Variants in THSD7B observed in about 807,000 individuals in gnomAD.
The protein encoded by THSD7B is thrombospondin type-1 domain-containing protein 7B.
A neutral mutation model predicts 213.6 loss-of-function variants in THSD7B; 138 were observed. The ratio of observed to expected loss-of-function variants is 0.65; its 90% CI spans 0.56 to 0.74. THSD7B has a LOEUF of 0.74. THSD7B is among the 30% of genes least tolerant of loss of function. The probability of loss-of-function intolerance (pLI) is 0.00; values close to 1 mark genes in which losing one functional copy is unlikely to be tolerated. For synonymous variants in THSD7B, 742 were observed against 687.0 expected, an observed-to-expected ratio of 1.08 and a Z score of -1.25; for missense variants, 1,931 against 1,991.5, an observed-to-expected ratio of 0.97 and a Z score of 0.58.
chr2:137,299,484 G>C, intron 12 of THSD7B, among the ~76,000 whole-genome samples: 1 of 88,228 alleles, frequency 1.1e-5, no homozygotes, highest in Admixed American at 1.3e-4. Context: ...ATTTGGGAGG[G>C]GCCGGGGTGG....
At chr2:137,292,619 G>A (rs1354593509) in intron 12 of THSD7B, among the ~76,000 whole-genome samples, 2 of 152,088 alleles carry the variant, frequency 1.3e-5, no homozygotes, top group Non-Finnish European at 2.9e-5. Flanking sequence ...TCTCTAGTAA[G>A]TACCTTTTCT....
At chr2:137,201,295 G>A (rs1009358254) in intron 7 of THSD7B, among the ~76,000 whole-genome samples, 10 of 152,106 alleles carry the variant, frequency 6.6e-5, no homozygotes, top group African/African-American at 9.7e-5. Context: ...GTGTGCACAC[G>A]CACCACATTT....
intron 15 of THSD7B, among the ~76,000 whole-genome samples, chr2:137,504,335 T>G (rs1439868244): frequency 3.3e-5 from 5 of 152,226 alleles, no homozygotes; most frequent in Non-Finnish European, 2.9e-5. Flanking sequence ...CCTTCCTCTG[T>G]GTATTTTTGA....
rs1680738074 is a variant in THSD7B, at chr2:137,546,468, ATATATATATAAT to A, written c.3139-16752_3139-16741del. On this transcript the variant is annotated intron_variant, in intron 15 of 27. Transcript: ENST00000409968. ...ATTATATATATATTATATATAATAT[ATATATATATAAT>A]ATATATATATATATATTAACATACC... is the stretch of plus-strand genomic sequence containing the variant. Among the ~76,000 whole-genome samples, 6 of 49,364 alleles carry A rather than the reference ATATATATATAAT, an allele frequency of 1.2e-4. 1 individual carries two copies. The highest frequency in any genetic ancestry group is 7.5e-4 in the African/African-American group (6 of 8,036). The allele number at this position is 49,364 out of a possible 152,430, so 32.4% of individuals were successfully genotyped here.
At chr2:137,492,978 G>T (rs554762977) in intron 15 of THSD7B, among the ~76,000 whole-genome samples, 1 of 151,408 alleles carries the variant, frequency 6.6e-6, no homozygotes, top group African/African-American at 2.4e-5. Flanking sequence ...AAAATTAGCC[G>T]GGCGTGGTGG....
chr2:137,484,383 G>A (rs1688380352), intron 15 of THSD7B, among the ~76,000 whole-genome samples: 1 of 135,802 alleles, frequency 7.4e-6, no homozygotes, highest in South Asian at 2.6e-4. Flanking sequence ...GTATTCCATG[G>A]TGTATATGTG....
In THSD7B at chr2:137,214,816, C is replaced by T. The variant is rs561567466; in HGVS notation, c.1724-16228C>T. Among the ~76,000 whole-genome samples the T allele has an allele frequency of 2.0e-5, 3 of 152,260 alleles. 1 individual carries two copies. In the South Asian group the frequency reaches 6.2e-4, roughly 32 times the overall value. On this transcript the variant is annotated intron_variant, in intron 7 of 27. Transcript: ENST00000409968. ...CCATGTTGTATATGTGCCACATTTTCTTTATCCAGTCTATCGCTGATGGGC... is the reference window on the plus strand; with the variant it reads ...CCATGTTGTATATGTGCCACATTTTTTTTATCCAGTCTATCGCTGATGGGC...
At chr2:137,335,374 A>G (rs1684615445) in intron 12 of THSD7B, among the ~76,000 whole-genome samples, 1 of 152,154 alleles carries the variant, frequency 6.6e-6, no homozygotes, top group Non-Finnish European at 1.5e-5. Flanking sequence ...CTATAAACTG[A>G]TTTTCCTCCT....
chr2:136,977,177 C>T (rs186669523), intron 2 of THSD7B, among the ~76,000 whole-genome samples: 5 of 152,080 alleles, frequency 3.3e-5, no homozygotes, highest in African/African-American at 1.2e-4. Flanking sequence ...ATTCCTGGTT[C>T]AGCCTTGGGA....
Position 137,095,062 on chromosome 2 carries a change from T to C in THSD7B, c.1140T>C (p.Pro380=), listed in dbSNP as rs1414639258. 6.2e-7 allele frequency: 1 copy of C among 1,613,892 alleles called. No homozygotes were observed. Among genetic ancestry groups the C allele is most frequent in the South Asian group, 1.1e-5 (1 of 91,088 alleles). The change falls in exon 4 of 28, where the codon CCT becomes CCC. Residue 380 remains proline (P), a synonymous_variant. Coordinates refer to ENST00000409968, the MANE Select transcript of THSD7B (RefSeq NM_001316349.2). ...HMAIGGGKEC[P]ELLEKEACIV... ...CTATTGGAGGTGGAAAGGAGTGTCC[T>C]GAACTTCTTGAGAAAGAGGCCTGCA...
rs148424255 is a variant in THSD7B, at chr2:136,972,411, A to G, written c.140-84009A>G. Reference sequence around the variant, plus strand: ...AGTAAAGAAACAAGGATTTTGCTTTATTTTTTAACTTTCATATGGTCTTTT... The same window carrying G: ...AGTAAAGAAACAAGGATTTTGCTTTGTTTTTTAACTTTCATATGGTCTTTT... On this transcript the variant is annotated intron_variant, in intron 2 of 27. Coordinates refer to ENST00000409968, the MANE Select transcript of THSD7B (RefSeq NM_001316349.2). 1.2e-3 allele frequency among the ~76,000 whole-genome samples: 189 copies of G among 152,266 alleles called. 1 individual carries two copies. Among genetic ancestry groups the G allele is most frequent in the African/African-American group, 4.4e-3 (184 of 41,562 alleles).
chr2:137,487,396 A>C (rs866396642), intron 15 of THSD7B, among the ~76,000 whole-genome samples: 69 of 120,950 alleles, frequency 5.7e-4, no homozygotes, highest in South Asian at 8.1e-4. Context: ...AAAAAAAAAA[A>C]AAAGAACTAG....
intron 12 of THSD7B, among the ~76,000 whole-genome samples, chr2:137,382,515 C>A (rs1685800471): frequency 6.6e-6 from 1 of 152,226 alleles, no homozygotes; most frequent in Non-Finnish European, 1.5e-5. Flanking sequence ...GGGAGCTGAG[C>A]ACCAGTATTC....
At chr2:137,668,011 A>T (rs550131562) in intron 27 of THSD7B, 150 bp downstream of exon 27, 2 of 566,900 alleles carry the variant, frequency 3.5e-6, no homozygotes, top group South Asian at 5.9e-5. Context: ...TGAAATGAGG[A>T]ATCATTATTT....
intron 2 of THSD7B, among the ~76,000 whole-genome samples, chr2:136,894,306 T>C (rs1407433563): frequency 6.6e-6 from 1 of 152,222 alleles, no homozygotes; most frequent in Non-Finnish European, 1.5e-5. Flanking sequence ...CTTGGCTTTA[T>C]TTGTACAACT....
In THSD7B at chr2:136,831,909, G is replaced by A. The variant is rs571602698; in HGVS notation, c.-35-50235G>A. On this transcript the variant is annotated intron_variant, in intron 1 of 27. Coordinates refer to ENST00000409968, the MANE Select transcript of THSD7B (RefSeq NM_001316349.2). ...TATGGGCCTTTTCTATGTTGCTCAG[G>A]ATACTGAGATATCTTGCTTTTAGGA... Among the ~76,000 whole-genome samples, 4 of 152,190 alleles carry A rather than the reference G, an allele frequency of 2.6e-5. No homozygotes were observed. In the South Asian group the frequency reaches 8.3e-4, roughly 32 times the overall value.
At chr2:137,443,263 A>C (rs1687458117) in intron 14 of THSD7B, among the ~76,000 whole-genome samples, 1 of 152,146 alleles carries the variant, frequency 6.6e-6, no homozygotes, top group African/African-American at 2.4e-5. Context: ...TTCAAAGATC[A>C]GTTCTTTATA....
chr2:137,517,203 G>A (rs1265892109), intron 15 of THSD7B, among the ~76,000 whole-genome samples: 1 of 152,206 alleles, frequency 6.6e-6, no homozygotes, highest in African/African-American at 2.4e-5. Flanking sequence ...CTAGCTCAGG[G>A]GTATATCAAC....
At chr2:137,484,124 C>T (rs1688371250) in intron 15 of THSD7B, among the ~76,000 whole-genome samples, 9 of 149,768 alleles carry the variant, frequency 6.0e-5, no homozygotes, top group African/African-American at 2.0e-4. Flanking sequence ...CACCCATTAC[C>T]TCGTCATTTA....
Sources: allele counts gnomAD v4.1 joint callset (sites outside exome capture counted in the v4.1 genomes callset), GRCh38; gene constraint gnomAD v4.1.1; transcripts MANE v1.5; gene names NCBI Gene and HGNC (gene_info 2026-07-23, HGNC 2026-07-21).